WDPCP: variants seen among roughly 807,000 people sequenced by gnomAD.
The protein encoded by WDPCP is WD repeat-containing and planar cell polarity effector protein fritz homolog.
Under a neutral mutation model 93.1 loss-of-function variants are expected in WDPCP, and 71 were observed. The observed-to-expected ratio is 0.76, with a 90% CI of 0.63 to 0.93. The LOEUF (loss-of-function observed/expected upper bound fraction) is 0.93. WDPCP is among the 40% of genes least tolerant of loss of function. The probability of loss-of-function intolerance (pLI) is 0.00; values close to 1 mark genes in which losing one functional copy is unlikely to be tolerated. For synonymous variants in WDPCP, 315 were observed against 315.0 expected (o/e 1.00, Z 0.00); for missense variants, 844 against 887.4 (o/e 0.95, Z 0.62).
At chr2:63,423,174 T>C (rs1696001722) in intron 9 of WDPCP, among the ~76,000 whole-genome samples, 1 of 152,216 alleles carries the variant, frequency 6.6e-6, no homozygotes, top group South Asian at 2.1e-4. Context: ...CATTAAACTA[T>C]GCATTTATTT....
intron 6 of WDPCP, among the ~76,000 whole-genome samples, chr2:63,479,620 C>T (rs1006671078): frequency 6.6e-5 from 10 of 151,194 alleles, no homozygotes; most frequent in Non-Finnish European, 1.3e-4. Context: ...AAAAAGCATT[C>T]GACAAAACCC....
intron 12 of WDPCP, among the ~76,000 whole-genome samples, chr2:63,339,943 T>C (rs957514714): frequency 1.3e-5 from 2 of 152,182 alleles, no homozygotes; most frequent in Non-Finnish European, 2.9e-5. Context: ...TTGCCATCTA[T>C]TGAAATAATC....
chr2:63,722,445 T>C (rs1575757961), intron 2 of WDPCP, among the ~76,000 whole-genome samples: 1 of 125,884 alleles, frequency 7.9e-6, no homozygotes, highest in Non-Finnish European at 1.7e-5. Flanking sequence ...GTGAGGAGCA[T>C]CTCTGCCCGG....
intron 15 of WDPCP, among the ~76,000 whole-genome samples, chr2:63,161,248 C>G (rs59234039): frequency 0.02 from 2,999 of 152,264 alleles, 104 homozygotes; most frequent in African/African-American, 0.069. Context: ...GCAGGAAACA[C>G]CAAAGACAAA....
At chr2:63,385,942 A>C (rs989267308) in intron 10 of WDPCP, among the ~76,000 whole-genome samples, 9 of 152,086 alleles carry the variant, frequency 5.9e-5, no homozygotes, top group Non-Finnish European at 1.3e-4. Context: ...AAGACAATAC[A>C]GTTATTGATA....
At chr2:63,154,900 G>C (rs539721597) in intron 15 of WDPCP, among the ~76,000 whole-genome samples, 1 of 152,232 alleles carries the variant, frequency 6.6e-6, no homozygotes, top group South Asian at 2.1e-4. Context: ...TTCCCAAATA[G>C]CTCATGATAT....
chr2:63,659,404 A>G (rs1050508495), intron 2 of WDPCP, among the ~76,000 whole-genome samples: 2 of 152,240 alleles, frequency 1.3e-5, no homozygotes, highest in African/African-American at 4.8e-5. Flanking sequence ...GCATCTTAAA[A>G]GGAGAAGCTT....
chr2:63,185,457 T>A (rs906211186), intron 14 of WDPCP, among the ~76,000 whole-genome samples: 7 of 151,670 alleles, frequency 4.6e-5, no homozygotes, highest in Non-Finnish European at 1.0e-4. Flanking sequence ...GCAGGGCTGT[T>A]TGGCTTTGCT....
At chr2:63,744,149 TGGA>T (rs2103862601) in intron 2 of WDPCP, among the ~76,000 whole-genome samples, 1 of 152,268 alleles carries the variant, frequency 6.6e-6, no homozygotes, top group South Asian at 2.1e-4. Flanking sequence ...ATAGTGTTCT[TGGA>T]TGCACAATAC....
chr2:63,509,450 T>G (rs1702083561), intron 1 of WDPCP, among the ~76,000 whole-genome samples: 4 of 152,102 alleles, frequency 2.6e-5, no homozygotes, highest in Middle Eastern at 3.2e-3. Context: ...AGAGGAAAAT[T>G]TATAGCACTA....
chr2:63,551,906 C>A (rs1477020970), intron 1 of WDPCP, among the ~76,000 whole-genome samples: 1 of 149,300 alleles, frequency 6.7e-6, no homozygotes, highest in East Asian at 2.0e-4. Context: ...CTTCTTAAAT[C>A]TTCTTATCCT....
At chr2:63,501,803 A>G (rs1011597863) in intron 1 of WDPCP, among the ~76,000 whole-genome samples, 1 of 152,032 alleles carries the variant, frequency 6.6e-6, no homozygotes, top group Non-Finnish European at 1.5e-5. Flanking sequence ...TTTAATAGAG[A>G]CAGCATTTCA....
intron 1 of WDPCP, among the ~76,000 whole-genome samples, chr2:63,536,323 C>G (rs1704272453): frequency 6.6e-6 from 1 of 152,166 alleles, no homozygotes; most frequent in Admixed American, 6.5e-5. Flanking sequence ...GGATCTAGAA[C>G]TAGAAATACC....
chr2:63,313,876 A>ATTTTT (rs1559312010), intron 12 of WDPCP, among the ~76,000 whole-genome samples: 1 of 4,054 alleles, frequency 2.5e-4, no homozygotes, highest in African/African-American at 2.4e-3. Flanking sequence ...ATATATATAT[A>ATTTTT]TATATATATA....
chr2:63,671,810 G>A (rs931077662), intron 2 of WDPCP, among the ~76,000 whole-genome samples: 2 of 151,992 alleles, frequency 1.3e-5, no homozygotes, highest in South Asian at 4.2e-4. Flanking sequence ...CTCAATACTC[G>A]TTATATACAA....
chr2:63,733,137 G>T (rs928225335), intron 2 of WDPCP, among the ~76,000 whole-genome samples: 3 of 151,750 alleles, frequency 2.0e-5, no homozygotes, highest in South Asian at 2.1e-4. Context: ...TGAGTTAGTG[G>T]GAGTGAAAGT....
intron 6 of WDPCP, among the ~76,000 whole-genome samples, chr2:63,461,633 T>C (rs1240313573): frequency 2.6e-5 from 4 of 152,196 alleles, no homozygotes; most frequent in African/African-American, 9.7e-5. Context: ...CAGTAAGGGA[T>C]GAAATTTAAA....
At chr2:63,800,611 C>G (rs769449926) in intron 2 of WDPCP, among the ~76,000 whole-genome samples, 1 of 152,110 alleles carries the variant, frequency 6.6e-6, no homozygotes, top group Admixed American at 6.5e-5. Flanking sequence ...ATATGTGGGT[C>G]CCCTAGGCAG....
At chr2:63,559,417 G>A (rs933777908) in intron 1 of WDPCP, among the ~76,000 whole-genome samples, 1 of 152,122 alleles carries the variant, frequency 6.6e-6, no homozygotes, top group Non-Finnish European at 1.5e-5. Flanking sequence ...TGGAATTTCT[G>A]GCCAGGGCAA....
Sources: allele counts gnomAD v4.1 joint callset (sites outside exome capture counted in the v4.1 genomes callset), GRCh38; gene constraint gnomAD v4.1.1; transcripts MANE v1.5; gene names NCBI Gene and HGNC (gene_info 2026-07-23, HGNC 2026-07-21).